Variants in SSX2IP observed in about 807,000 individuals in gnomAD.
SSX2IP encodes the protein SSX family member 2 interacting protein.
Under a neutral mutation model 84.9 loss-of-function variants are expected in SSX2IP, and 55 were observed. That is an observed-to-expected ratio of 0.65 (90% CI 0.52 to 0.81). The LOEUF (loss-of-function observed/expected upper bound fraction) is 0.81. Ranked by LOEUF, SSX2IP falls within the 30% of genes least tolerant of loss-of-function variation. The pLI, the probability that SSX2IP is intolerant of heterozygous loss-of-function variation, is 0.00. For missense variants in SSX2IP, 664 were observed against 705.2 expected (o/e 0.94, Z 0.66); for synonymous variants, 239 against 234.7 (o/e 1.02, Z -0.17).
At chr1:84,674,216 A>T (rs1653976611) in intron 1 of SSX2IP, among the ~76,000 whole-genome samples, 1 of 152,194 alleles carries the variant, frequency 6.6e-6, no homozygotes, top group African/African-American at 2.4e-5. Flanking sequence ...TAATGTACTT[A>T]TCCCAAGAGA....
chr1:84,662,050 T>C lies in SSX2IP; in HGVS notation c.927+148A>G, dbSNP rs955726332. 2.1e-5 allele frequency: 12 copies of C among 575,682 alleles called. No individual in the cohort carries two copies. The East Asian group carries it at 3.4e-4, about 16-fold the overall frequency. The allele number at this position is 575,682 out of a possible 1,614,324, so 35.7% of individuals were successfully genotyped here. On this transcript the variant is annotated intron_variant, in intron 8 of 13. Transcript: ENST00000342203. ...CTGAAAACACATAGGAACAGTCTTTTCAGTTGTCACAGTAATTGAAAGTAG... is the reference window on the plus strand; with the variant it reads ...CTGAAAACACATAGGAACAGTCTTTCCAGTTGTCACAGTAATTGAAAGTAG...
At chr1:84,652,640 G>C (rs1650452628) in intron 11 of SSX2IP, among the ~76,000 whole-genome samples, 2 of 151,932 alleles carry the variant, frequency 1.3e-5, no homozygotes, top group African/African-American at 2.4e-5. Flanking sequence ...TGAGGCAGGA[G>C]AATCACATGA....
chr1:84,655,871 T>C lies in SSX2IP; in HGVS notation c.1350A>G (p.Arg450=). 1 of 1,613,994 alleles carries C rather than the reference T, an allele frequency of 6.2e-7. No homozygotes were observed. The highest frequency in any genetic ancestry group is 8.5e-7 in the Non-Finnish European group (1 of 1,179,914). ...KEQKKNFERE[R]RSFTEAAIRL... is the part of the protein sequence containing the mutation. The stretch of plus-strand genomic sequence containing the variant: ...GAATAGCGGCTTCTGTAAAGCTTCG[T>C]CTCTCCCTCTCAAAATTCTTTTTCT... The change falls in exon 11 of 14, where the codon AGA becomes AGG. Residue 450 remains arginine, a synonymous_variant. Transcript: ENST00000342203.
At chr1:84,662,039 G>T (rs561801538) in intron 8 of SSX2IP, among the ~76,000 whole-genome samples, 159 bp downstream of exon 8, 1 of 152,082 alleles carries the variant, frequency 6.6e-6, no homozygotes, top group Non-Finnish European at 1.5e-5. Context: ...AAACACATAG[G>T]AACAGTCTTT....
chr1:84,665,433 A>G (rs2102370135), intron 5 of SSX2IP, among the ~76,000 whole-genome samples: 1 of 152,320 alleles, frequency 6.6e-6, no homozygotes, highest in Non-Finnish European at 1.5e-5. Context: ...TTGTAGTTAA[A>G]ACAACATATA....
intron 4 of SSX2IP, among the ~76,000 whole-genome samples, chr1:84,667,960 G>C (rs1652995451): frequency 6.6e-6 from 1 of 152,116 alleles, no homozygotes; most frequent in African/African-American, 2.4e-5. Context: ...ACTCATCTTT[G>C]AAACTCAGTG....
At chr1:84,668,317 G>A (rs374049933) in intron 4 of SSX2IP, among the ~76,000 whole-genome samples, 2 of 152,080 alleles carry the variant, frequency 1.3e-5, no homozygotes, top group African/African-American at 4.8e-5. Flanking sequence ...ACCTTCCATA[G>A]GTCTCTCTGA....
chr1:84,660,805 C>T (rs2102310035), intron 8 of SSX2IP, among the ~76,000 whole-genome samples: 2 of 149,050 alleles, frequency 1.3e-5, no homozygotes, highest in African/African-American at 4.9e-5. Context: ...GTAATCCTAG[C>T]ACTTTGGGAG....
At position 84,655,687 on chromosome 1, in the gene SSX2IP, C is replaced by T. The variant is rs1201854631; in HGVS notation, c.1389+145G>A. The T allele has an allele frequency of 9.8e-6, 14 of 1,432,422 alleles. No homozygotes were observed. In the East Asian group the frequency reaches 3.2e-4, roughly 33 times the overall value. 88.7% of individuals were successfully genotyped at this position (1,432,422 alleles called of 1,614,324 possible). A position where few individuals can be genotyped will look rare whatever the true frequency, so the allele number is the denominator to read the frequency against. On this transcript the variant is annotated intron_variant, in intron 11 of 13. Coordinates refer to ENST00000342203, the MANE Select transcript of SSX2IP (RefSeq NM_001166293.2). ...ATCCCATTCTATATGCTCAGCCTCCCTCTCATTTCAAATTATTTGTGAGAT... is the reference window on the plus strand; with the variant it reads ...ATCCCATTCTATATGCTCAGCCTCCTTCTCATTTCAAATTATTTGTGAGAT...
chr1:84,657,062 T>G (rs2102260216), intron 9 of SSX2IP, among the ~76,000 whole-genome samples: 1 of 152,328 alleles, frequency 6.6e-6, no homozygotes, highest in South Asian at 2.1e-4. Context: ...CTGATTGCTC[T>G]TTACTAATAC....
chr1:84,653,074 C>T (rs764671687), intron 11 of SSX2IP, among the ~76,000 whole-genome samples: 15 of 151,798 alleles, frequency 9.9e-5, no homozygotes, highest in Non-Finnish European at 1.8e-4. Flanking sequence ...ATTTCACTTA[C>T]GAAAAAATTA....
At chr1:84,651,569 A>C (rs1419166487) in intron 12 of SSX2IP, among the ~76,000 whole-genome samples, 1 of 151,894 alleles carries the variant, frequency 6.6e-6, no homozygotes, top group Non-Finnish European at 1.5e-5. Context: ...CTCTACTAAA[A>C]ATACAAAAAT....
At chr1:84,680,369 T>C (rs2102553045) in intron 1 of SSX2IP, 1 of 152,304 alleles carries the variant, frequency 6.6e-6, no homozygotes, top group African/African-American at 2.4e-5. Flanking sequence ...AAATCTTCTT[T>C]GGGCCTCACT....
Position 84,651,880 on chromosome 1 carries a change from C to A in SSX2IP, c.1504+3G>T. On this transcript the variant is annotated splice_donor_region_variant and intron_variant, in intron 12 of 13. Transcript: ENST00000342203. Reference sequence around the variant, plus strand: ...CAAATTAAAGAGTTTATAAAGTACTCACTTCCTGAGAAGGCACTGAAAAGT... The same window carrying A: ...CAAATTAAAGAGTTTATAAAGTACTAACTTCCTGAGAAGGCACTGAAAAGT... 2 of 1,590,252 alleles carry A rather than the reference C, an allele frequency of 1.3e-6. No individual in the cohort carries two copies. The highest frequency in any genetic ancestry group is 2.2e-5 in the South Asian group (2 of 90,316).
In SSX2IP at chr1:84,646,162, T is replaced by C. The variant is rs1649444827; in HGVS notation, c.*1271A>G. On this transcript the variant is annotated 3_prime_UTR_variant, in exon 14 of 14. Transcript: ENST00000342203. ...TATGATACCTAGCAAGGGTTGGATC[T>C]GTGCAGGCTTCTATGTACAGAGACA... 6.6e-6 allele frequency: 1 copy of C among 152,630 alleles called. No homozygotes were observed. The highest frequency in any genetic ancestry group is 2.1e-4 in the South Asian group (1 of 4,832). 9.5% of individuals were successfully genotyped at this position (152,630 alleles called of 1,614,324 possible).
intron 3 of SSX2IP, 67 bp from the exon 4 acceptor site, chr1:84,669,960 C>G (rs1249633989): frequency 2.6e-6 from 3 of 1,160,054 alleles, no homozygotes; most frequent in Non-Finnish European, 3.7e-6. Flanking sequence ...AGGATACAAA[C>G]TTTCAGTTAG....
intron 11 of SSX2IP, among the ~76,000 whole-genome samples, chr1:84,653,505 T>C (rs1449621980): frequency 1.3e-5 from 2 of 152,218 alleles, no homozygotes; most frequent in Non-Finnish European, 2.9e-5. Context: ...AGAAAAATTC[T>C]CTTGCAGGGA....
At chr1:84,688,863 G>C (rs1469645841) in intron 1 of SSX2IP, among the ~76,000 whole-genome samples, 1 of 152,128 alleles carries the variant, frequency 6.6e-6, no homozygotes, top group Non-Finnish European at 1.5e-5. Context: ...TGTACAGTTG[G>C]GGAAAGAGAA....
intron 3 of SSX2IP, 129 bp downstream of exon 3, chr1:84,670,517 T>C: frequency 1.7e-6 from 1 of 598,266 alleles, no homozygotes; most frequent in Non-Finnish European, 2.7e-6. Context: ...CAAGGTTCTC[T>C]GAAAATCTAA....
Sources: gnomAD v4.1 joint callset for allele counts (sites outside exome capture counted in the v4.1 genomes callset) on GRCh38, gnomAD v4.1.1 for gene constraint, MANE v1.5 for transcripts, NCBI Gene and HGNC (gene_info 2026-07-23, HGNC 2026-07-21) for gene names.